Variants in COL4A2 observed in about 807,000 individuals in gnomAD.
COL4A2 encodes collagen type IV alpha 2 chain, also known as collagen alpha-2(IV) chain.
A neutral mutation model predicts 200.2 loss-of-function variants in COL4A2; 99 were observed. That is an observed-to-expected ratio of 0.49 (90% CI 0.42 to 0.58). The LOEUF is 0.58. Among genes scored for constraint, COL4A2 ranks in the 20% least tolerant of loss-of-function variants. The probability of loss-of-function intolerance (pLI) is 0.00; values close to 1 mark genes in which losing one functional copy is unlikely to be tolerated. For missense variants in COL4A2, 1,950 were observed against 2,314.1 expected (o/e 0.84, Z 3.23); for synonymous variants, 897 against 900.6 (o/e 1.00, Z 0.07).
intron 4 of COL4A2, among the ~76,000 whole-genome samples, chr13:110,419,368 T>C (rs1330658378): frequency 6.6e-6 from 1 of 152,224 alleles, no homozygotes; most frequent in Non-Finnish European, 1.5e-5. Flanking sequence ...ACTGTTTTTA[T>C]CCTTCTCTGA....
intron 4 of COL4A2, among the ~76,000 whole-genome samples, chr13:110,402,900 A>T (rs1268649685): frequency 6.6e-6 from 1 of 152,224 alleles, no homozygotes; most frequent in African/African-American, 2.4e-5. Flanking sequence ...CGTGGAGGTC[A>T]CGAAGGCTTC....
At chr13:110,475,175 C>G (rs1044908009) in intron 29 of COL4A2, among the ~76,000 whole-genome samples, 11 of 152,264 alleles carry the variant, frequency 7.2e-5, no homozygotes, top group Non-Finnish European at 2.9e-5. Context: ...GGGGAGGCCT[C>G]GTGCTCGGCC....
chr13:110,321,108 C>T (rs936711270), intron 3 of COL4A2, among the ~76,000 whole-genome samples: 7 of 151,886 alleles, frequency 4.6e-5, no homozygotes, highest in African/African-American at 1.2e-4. Context: ...TGTTGATAAA[C>T]TAACCATCTG....
intron 15 of COL4A2, 105 bp downstream of exon 15, chr13:110,438,773 A>C (rs1881002522): frequency 7.0e-7 from 1 of 1,426,728 alleles, no homozygotes; most frequent in South Asian, 1.2e-5. Flanking sequence ...TTTAGCAGAA[A>C]GTATAGAGAT....
intron 45 of COL4A2, among the ~76,000 whole-genome samples, 183 bp from the exon 46 acceptor site, chr13:110,506,232 G>A (rs1372594584): frequency 1.2e-4 from 16 of 130,808 alleles, no homozygotes; most frequent in Admixed American, 2.4e-4. Context: ...TCTCTCTCTC[G>A]GGCTGCAGGT....
chr13:110,435,226 C>T (rs1206096915), intron 12 of COL4A2, among the ~76,000 whole-genome samples: 1 of 151,968 alleles, frequency 6.6e-6, no homozygotes. Context: ...AAGCAGTGGG[C>T]TTCTGGGAAA....
chr13:110,482,443 G>A (rs778662115), intron 31 of COL4A2, 73 bp from the exon 32 acceptor site: 50 of 1,494,138 alleles, frequency 3.3e-5, no homozygotes, highest in East Asian at 6.9e-5. Context: ...GAAATGTTAC[G>A]GAGACGTGAG....
intron 47 of COL4A2, among the ~76,000 whole-genome samples, chr13:110,509,789 T>G (rs545953170): frequency 1.3e-5 from 2 of 152,152 alleles, no homozygotes; most frequent in Non-Finnish European, 2.9e-5. Context: ...AGCCTGGAAC[T>G]TGACATCCCC....
intron 16 of COL4A2, among the ~76,000 whole-genome samples, chr13:110,445,290 C>T (rs1881278434): frequency 6.6e-6 from 1 of 152,146 alleles, no homozygotes; most frequent in Non-Finnish European, 1.5e-5. Flanking sequence ...CCTGACCCCA[C>T]GATCAATCAT....
chr13:110,347,238 C>G (rs985466668), intron 3 of COL4A2, among the ~76,000 whole-genome samples: 2 of 152,212 alleles, frequency 1.3e-5, no homozygotes, highest in African/African-American at 4.8e-5. Context: ...TCCAAGGCAG[C>G]GTTGGCTTAG....
intron 3 of COL4A2, among the ~76,000 whole-genome samples, chr13:110,318,515 A>G (rs1323297326): frequency 1.3e-5 from 2 of 152,130 alleles, no homozygotes; most frequent in Non-Finnish European, 2.9e-5. Flanking sequence ...GCCCCCACTC[A>G]CCCTGCTCAC....
At chr13:110,430,811 A>G (rs1566528894) in intron 10 of COL4A2, 2 of 832,606 alleles carry the variant, frequency 2.4e-6, no homozygotes, top group Non-Finnish European at 4.1e-6. Context: ...GCTTAAAATT[A>G]TGGTCACCAG....
intron 15 of COL4A2, 33 bp from the exon 16 acceptor site, chr13:110,439,756 G>C: frequency 6.2e-7 from 1 of 1,613,718 alleles, no homozygotes. Context: ...TGCATATTCT[G>C]AGCTGTTTGC....
intron 4 of COL4A2, among the ~76,000 whole-genome samples, chr13:110,414,217 GTCA>G (rs1183097387): frequency 1.3e-5 from 2 of 152,142 alleles, no homozygotes; most frequent in African/African-American, 4.8e-5. Flanking sequence ...CCTTTTGTGG[GTCA>G]TCAGCATGAT....
intron 40 of COL4A2, among the ~76,000 whole-genome samples, chr13:110,499,197 T>C (rs1204799468): frequency 6.6e-6 from 1 of 152,252 alleles, no homozygotes; most frequent in African/African-American, 2.4e-5. Flanking sequence ...TCATTTGTAT[T>C]AGTTCGTTCT....
chr13:110,400,911 A>G (rs1879351231), intron 4 of COL4A2, among the ~76,000 whole-genome samples: 1 of 152,206 alleles, frequency 6.6e-6, no homozygotes, highest in African/African-American at 2.4e-5. Flanking sequence ...GTAAACTTAT[A>G]ATTAAGAGAA....
At chr13:110,404,437 C>CAGCT (rs1233515696) in intron 4 of COL4A2, among the ~76,000 whole-genome samples, 1 of 152,172 alleles carries the variant, frequency 6.6e-6, no homozygotes, top group African/African-American at 2.4e-5. Flanking sequence ...TTGTATCAGG[C>CAGCT]AGCTACTCTC....
chr13:110,405,054 G>A (rs1449233896), intron 4 of COL4A2, among the ~76,000 whole-genome samples: 1 of 152,212 alleles, frequency 6.6e-6, no homozygotes, highest in African/African-American at 2.4e-5. Context: ...GGTTGAGGCT[G>A]CAGTGAGTTG....
Position 110,489,471 on chromosome 13 carries a change from A to C in COL4A2, c.3234A>C (p.Ala1078=), listed in dbSNP as rs148837052. The C allele has an allele frequency of 5.1e-4, 828 of 1,614,218 alleles. 6 individuals carry two copies. In the African/African-American group the frequency reaches 9.7e-3, roughly 19 times the overall value. The change falls in exon 35 of 48, where the codon GCA becomes GCC. Residue 1078 remains alanine, a synonymous_variant. Transcript: ENST00000360467. The part of the protein sequence containing the change: ...SRGDKGAPGR[A]GLYGEIGATG... ...GTGACAAAGGTGCCCCAGGGAGAGC[A>C]GGCCTGTATGGCGAGATTGGCGCGA...
Sources: allele counts gnomAD v4.1 joint callset (sites outside exome capture counted in the v4.1 genomes callset), GRCh38; gene constraint gnomAD v4.1.1; transcripts MANE v1.5; gene names NCBI Gene and HGNC (gene_info 2026-07-23, HGNC 2026-07-21).